The following B3GALT1 variants were observed in gnomAD, a reference collection of about 807,000 sequenced individuals.
B3GALT1 encodes UDP-Gal:betaGlcNAc beta 1,3-galactosyltransferase, polypeptide 1.
A neutral mutation model predicts 23.2 loss-of-function variants in B3GALT1; 10 were observed. That is an observed-to-expected ratio of 0.43 (90% CI 0.27 to 0.73). The LOEUF (loss-of-function observed/expected upper bound fraction) is 0.73. B3GALT1 is among the 30% of genes least tolerant of loss of function. The pLI, the probability that B3GALT1 is intolerant of heterozygous loss-of-function variation, is 0.21. For synonymous variants in B3GALT1, 156 were observed against 141.5 expected, an observed-to-expected ratio of 1.10 and a Z score of -0.73; for missense variants, 299 against 405.4, an observed-to-expected ratio of 0.74 and a Z score of 2.25.
intron 3 of B3GALT1, among the ~76,000 whole-genome samples, chr2:167,680,386 T>C (rs892684668): frequency 6.6e-6 from 1 of 152,078 alleles, no homozygotes; most frequent in African/African-American, 2.4e-5. Context: ...GAAATAAAGA[T>C]TTCAAATAGA....
chr2:167,768,635 A>G (rs554463436), intron 3 of B3GALT1, among the ~76,000 whole-genome samples: 1 of 152,360 alleles, frequency 6.6e-6, no homozygotes, highest in East Asian at 1.9e-4. Context: ...TCAAACTGAC[A>G]TCTAGAAAAA....
chr2:167,314,185 G>A (rs1257850950), intron 1 of B3GALT1, among the ~76,000 whole-genome samples: 1 of 151,930 alleles, frequency 6.6e-6, no homozygotes, highest in Non-Finnish European at 1.5e-5. Context: ...GACTTAAAAT[G>A]TTGAAGAATA....
chr2:167,670,209 C>G (rs1020787897), intron 3 of B3GALT1, among the ~76,000 whole-genome samples: 2 of 152,136 alleles, frequency 1.3e-5, no homozygotes, highest in African/African-American at 4.8e-5. Context: ...AGGTGTCTAA[C>G]CTGGAACACT....
chr2:167,337,234 CA>C (rs979929359), intron 1 of B3GALT1, among the ~76,000 whole-genome samples: 2 of 152,022 alleles, frequency 1.3e-5, no homozygotes, highest in African/African-American at 4.8e-5. Context: ...TCCTATAATG[CA>C]GGTACTTACT....
intron 1 of B3GALT1, among the ~76,000 whole-genome samples, chr2:167,394,773 A>G (rs1460385995): frequency 6.6e-6 from 1 of 152,242 alleles, no homozygotes; most frequent in African/African-American, 2.4e-5. Context: ...ATTGTAGAAC[A>G]CAGAATATTA....
intron 1 of B3GALT1, among the ~76,000 whole-genome samples, chr2:167,416,871 G>A (rs555043833): frequency 3.0e-4 from 45 of 152,304 alleles, no homozygotes; most frequent in Non-Finnish European, 5.4e-4. Flanking sequence ...CTTGCGGCCT[G>A]TTACTCCTTT....
rs1219332139 is a variant in B3GALT1 at position 167,873,563 on chromosome 2, G to A, written c.*3543G>A. The A allele has an allele frequency of 1.3e-5, 2 of 152,144 alleles. No homozygotes were observed. Among genetic ancestry groups the A allele is most frequent in the African/African-American group, 4.8e-5 (2 of 41,434 alleles). The allele number at this position is 152,144 out of a possible 1,614,324, so 9.4% of individuals were successfully genotyped here. On this transcript the variant is annotated 3_prime_UTR_variant, in exon 5 of 5. Transcript: ENST00000392690. ...CTTTCCTAATATGTGGGTTTAGTGG[G>A]AGAATTGATTATGTCATTTCTTCTG...
chr2:167,303,551 T>A (rs537379689), intron 1 of B3GALT1, among the ~76,000 whole-genome samples: 19 of 152,058 alleles, frequency 1.2e-4, no homozygotes, highest in Admixed American at 8.5e-4. Flanking sequence ...ATGGGAATCA[T>A]CCTGAAGGAA....
intron 2 of B3GALT1, among the ~76,000 whole-genome samples, chr2:167,509,665 A>G (rs1366168569): frequency 1.3e-5 from 2 of 152,184 alleles, no homozygotes; most frequent in African/African-American, 2.4e-5. Flanking sequence ...AGACCTTGAC[A>G]CGAGAGAATG....
At chr2:167,777,503 C>T (rs190903763) in intron 3 of B3GALT1, among the ~76,000 whole-genome samples, 26 of 152,246 alleles carry the variant, frequency 1.7e-4, no homozygotes, top group Admixed American at 5.9e-4. Context: ...CCCACCACCA[C>T]GCCCAGCTAA....
intron 1 of B3GALT1, among the ~76,000 whole-genome samples, chr2:167,352,092 T>C (rs973875059): frequency 2.0e-5 from 3 of 151,394 alleles, no homozygotes; most frequent in Non-Finnish European, 2.9e-5. Flanking sequence ...CCTGAGTAGC[T>C]GGAATTACAG....
intron 1 of B3GALT1, among the ~76,000 whole-genome samples, chr2:167,346,277 T>G (rs1697220504): frequency 6.6e-6 from 1 of 152,130 alleles, no homozygotes; most frequent in Non-Finnish European, 1.5e-5. Context: ...TATAACACCC[T>G]CAGGCTCAGA....
chr2:167,840,345 C>G (rs536223948), intron 4 of B3GALT1, among the ~76,000 whole-genome samples: 1 of 151,812 alleles, frequency 6.6e-6, no homozygotes, highest in African/African-American at 2.4e-5. Context: ...AAAAAACAAC[C>G]CCATCAAAAA....
intron 3 of B3GALT1, among the ~76,000 whole-genome samples, chr2:167,657,475 G>A (rs72875048): frequency 0.02 from 3,030 of 152,178 alleles, 40 homozygotes; most frequent in Non-Finnish European, 0.024. Flanking sequence ...ACAGTACAGA[G>A]GGAACAGGGA....
intron 3 of B3GALT1, among the ~76,000 whole-genome samples, chr2:167,656,017 C>T (rs1232912207): frequency 3.9e-5 from 6 of 152,144 alleles, no homozygotes; most frequent in Non-Finnish European, 5.9e-5. Context: ...TGGAAGTCCT[C>T]GTCTCCTGAT....
intron 1 of B3GALT1, among the ~76,000 whole-genome samples, chr2:167,350,482 C>T (rs921165183): frequency 6.6e-6 from 1 of 152,140 alleles, no homozygotes; most frequent in South Asian, 2.1e-4. Flanking sequence ...CCCTGTGTTC[C>T]CAAGAAGATC....
At chr2:167,442,036 C>CA (rs1559097639) in intron 1 of B3GALT1, among the ~76,000 whole-genome samples, 1 of 151,646 alleles carries the variant, frequency 6.6e-6, no homozygotes, top group African/African-American at 2.4e-5. Context: ...CCACTCCCCC[C>CA]ACCCCACCAC....
At chr2:167,483,153 C>T (rs928125882) in intron 1 of B3GALT1, among the ~76,000 whole-genome samples, 6 of 151,800 alleles carry the variant, frequency 4.0e-5, no homozygotes, top group African/African-American at 9.7e-5. Flanking sequence ...ATTAGCTGGG[C>T]GTGGTGACGC....
intron 1 of B3GALT1, among the ~76,000 whole-genome samples, chr2:167,408,411 A>G (rs1178096953): frequency 1.3e-5 from 2 of 152,198 alleles, no homozygotes; most frequent in Non-Finnish European, 2.9e-5. Flanking sequence ...TGCTAACATC[A>G]TACTGAACAG....
Sources: allele counts gnomAD v4.1 joint callset (sites outside exome capture counted in the v4.1 genomes callset), GRCh38; gene constraint gnomAD v4.1.1; transcripts MANE v1.5; gene names NCBI Gene and HGNC (gene_info 2026-07-23, HGNC 2026-07-21).